Variants in LHFPL4 observed in about 807,000 individuals in gnomAD.
LHFPL4 encodes the protein LHFPL tetraspan subfamily member 4 protein.
Under a neutral mutation model 20.0 loss-of-function variants are expected in LHFPL4, and 6 were observed. The observed-to-expected ratio is 0.30, with a 90% confidence interval of 0.16 to 0.59. The LOEUF (loss-of-function observed/expected upper bound fraction) is 0.59. LHFPL4 is among the 20% of genes least tolerant of loss of function. The pLI, the probability that LHFPL4 is intolerant of heterozygous loss-of-function variation, is 0.88. For synonymous variants in LHFPL4, 129 were observed against 143.8 expected (o/e 0.90, Z 0.74); for missense variants, 215 against 331.2 (o/e 0.65, Z 2.72).
intron 2 of LHFPL4, among the ~76,000 whole-genome samples, chr3:9,517,875 A>G (rs531684413): frequency 2.9e-4 from 44 of 149,526 alleles, no homozygotes; most frequent in African/African-American, 1.1e-3. Context: ...ACAAACAAAG[A>G]TAGTTTTACT....
chr3:9,507,195 A>G (rs2046224823), intron 2 of LHFPL4, among the ~76,000 whole-genome samples: 1 of 152,222 alleles, frequency 6.6e-6, no homozygotes, highest in Non-Finnish European at 1.5e-5. Context: ...GCACTCAGGT[A>G]GCATTTATCC....
intron 2 of LHFPL4, among the ~76,000 whole-genome samples, chr3:9,516,446 C>T (rs916936743): frequency 6.6e-6 from 1 of 151,852 alleles, no homozygotes; most frequent in African/African-American, 2.4e-5. Context: ...ATCAATTTGC[C>T]CGTTCTTTCA....
At chr3:9,528,159 C>A (rs1368358841) in intron 2 of LHFPL4, among the ~76,000 whole-genome samples, 2 of 152,174 alleles carry the variant, frequency 1.3e-5, no homozygotes, top group African/African-American at 2.4e-5. Context: ...ATTGACTTTT[C>A]TTTCACAAAA....
At chr3:9,544,305 C>A (rs1330840757) in intron 2 of LHFPL4, among the ~76,000 whole-genome samples, 5 of 151,074 alleles carry the variant, frequency 3.3e-5, no homozygotes, top group Non-Finnish European at 7.4e-5. Context: ...AAAAAAAAAA[C>A]CCTTTAACAA....
At position 9,531,631 on chromosome 3, in the gene LHFPL4, G is replaced by A. The variant is rs566125452; in HGVS notation, c.406+20643C>T. Reference sequence around the variant, plus strand: ...AGCCTGGCCAACGTGGTGAAACCCCGTCTCTACTAAAAATACAAACATTAG... The same window carrying A: ...AGCCTGGCCAACGTGGTGAAACCCCATCTCTACTAAAAATACAAACATTAG... On this transcript the variant is annotated intron_variant, in intron 2 of 3. Coordinates refer to ENST00000287585, the MANE Select transcript of LHFPL4 (RefSeq NM_198560.3). Among the ~76,000 whole-genome samples the A allele has an allele frequency of 1.1e-4, 16 of 152,154 alleles. No homozygotes were observed. In the East Asian group the frequency reaches 2.5e-3, roughly 24 times the overall value.
intron 2 of LHFPL4, among the ~76,000 whole-genome samples, chr3:9,522,151 C>CTTA (rs147798071): frequency 0.021 from 3,236 of 151,554 alleles, 118 homozygotes; most frequent in African/African-American, 0.074. Flanking sequence ...GTACAAGTAC[C>CTTA]TTATTATTAT....
chr3:9,548,763 G>T (rs1272210430), intron 2 of LHFPL4, among the ~76,000 whole-genome samples: 1 of 152,192 alleles, frequency 6.6e-6, no homozygotes, highest in Non-Finnish European at 1.5e-5. Flanking sequence ...TCCAGGGATA[G>T]GCATGTGGCT....
chr3:9,510,719 C>T (rs2046252440), intron 2 of LHFPL4, among the ~76,000 whole-genome samples: 1 of 152,100 alleles, frequency 6.6e-6, no homozygotes, highest in South Asian at 2.1e-4. Context: ...GAGTGGATCA[C>T]CTGAGGTCAG....
chr3:9,542,229 T>C (rs1290060248), intron 2 of LHFPL4, among the ~76,000 whole-genome samples: 2 of 151,854 alleles, frequency 1.3e-5, no homozygotes, highest in Non-Finnish European at 2.9e-5. Context: ...GAGCTTACAG[T>C]GAGCTGAGAT....
At chr3:9,538,704 T>C (rs932777461) in intron 2 of LHFPL4, among the ~76,000 whole-genome samples, 2 of 93,292 alleles carry the variant, frequency 2.1e-5, no homozygotes, top group African/African-American at 1.1e-4. Context: ...TTTTCTTTCT[T>C]TTTTTTTTTT....
At chr3:9,518,502 G>A (rs1194411053) in intron 2 of LHFPL4, among the ~76,000 whole-genome samples, 1 of 152,120 alleles carries the variant, frequency 6.6e-6, no homozygotes, top group Non-Finnish European at 1.5e-5. Flanking sequence ...TTCCTTTAAT[G>A]TTTGGCAGAA....
intron 2 of LHFPL4, among the ~76,000 whole-genome samples, chr3:9,523,056 A>C (rs2046349257): frequency 8.3e-6 from 1 of 120,924 alleles, no homozygotes; most frequent in Admixed American, 9.2e-5. Context: ...AAAAAAAAAA[A>C]AAGAAAGAAA....
chr3:9,525,314 C>A (rs2046366248), intron 2 of LHFPL4, among the ~76,000 whole-genome samples: 1 of 152,176 alleles, frequency 6.6e-6, no homozygotes. Flanking sequence ...GTCCACACAG[C>A]CTCCAGCAAT....
chr3:9,542,723 C>T (rs1156830031), intron 2 of LHFPL4, among the ~76,000 whole-genome samples: 3 of 150,372 alleles, frequency 2.0e-5, no homozygotes, highest in African/African-American at 2.5e-5. Context: ...ATGAAAGGAT[C>T]GCTTGAGCCC....
intron 2 of LHFPL4, among the ~76,000 whole-genome samples, chr3:9,544,332 A>G (rs1015650919): frequency 6.6e-6 from 1 of 152,110 alleles, no homozygotes; most frequent in Non-Finnish European, 1.5e-5. Flanking sequence ...GCTGTCTACA[A>G]GTAAAGTCTG....
intron 2 of LHFPL4, among the ~76,000 whole-genome samples, chr3:9,519,147 C>G (rs1029776557): frequency 2.2e-4 from 34 of 152,230 alleles, no homozygotes; most frequent in Admixed American, 1.7e-3. Flanking sequence ...CCATGTTGCC[C>G]AGGCTGGTCT....
chr3:9,541,715 T>C (rs1178466033), intron 2 of LHFPL4, among the ~76,000 whole-genome samples: 1 of 151,272 alleles, frequency 6.6e-6, no homozygotes, highest in Admixed American at 6.6e-5. Flanking sequence ...GAGGTTGCAA[T>C]GAGTCGAGAT....
rs2046221778 is a variant in LHFPL4, at chr3:9,506,781, A to C, written c.407-578T>G. The stretch of plus-strand genomic sequence containing the variant: ...TTTTTAGTAGAGATGAGGTTTCACC[A>C]TGTTGGCCAGGCTGGTCTCGAACTC... On this transcript the variant is annotated intron_variant, in intron 2 of 3. Transcript: ENST00000287585. This position sits in a 1 kb window ranked among gnomAD's most constrained non-coding sequence, Gnocchi z 4.5. 6.6e-6 allele frequency among the ~76,000 whole-genome samples: 1 copy of C among 152,092 alleles called. No individual in the cohort carries two copies. The highest frequency in any genetic ancestry group is 1.5e-5 in the Non-Finnish European group (1 of 68,020).
intron 3 of LHFPL4, 44 bp downstream of exon 3, chr3:9,505,923 A>G (rs1427416985): frequency 1.3e-6 from 2 of 1,543,534 alleles, no homozygotes; most frequent in African/African-American, 2.7e-5. Context: ...TCCCAGGACC[A>G]GGCCTGGCTC....
Sources: gnomAD v4.1 joint callset for allele counts (sites outside exome capture counted in the v4.1 genomes callset) on GRCh38, gnomAD v4.1.1 for gene constraint, Gnocchi (gnomAD v3.1) non-coding constraint, MANE v1.5 for transcripts, NCBI Gene and HGNC (gene_info 2026-07-23, HGNC 2026-07-21) for gene names.